The following AUTS2 variants were observed in gnomAD, a reference collection of about 807,000 sequenced individuals.
The protein encoded by AUTS2 is activator of transcription and developmental regulator AUTS2, also known as autism susceptibility gene 2 protein.
In AUTS2, 17 loss-of-function variants were observed where a neutral mutation model predicts 112.4. The ratio of observed to expected loss-of-function variants is 0.15; its 90% CI spans 0.10 to 0.23. The LOEUF is 0.23. Ranked by LOEUF, AUTS2 falls within the 10% of genes least tolerant of loss-of-function variation. The pLI is 1.00. For synonymous variants in AUTS2, 751 were observed against 702.7 expected, an observed-to-expected ratio of 1.07 and a Z score of -1.09; for missense variants, 1,510 against 1,701.6, an observed-to-expected ratio of 0.89 and a Z score of 1.98.
At chr7:70,471,801 C>G (rs530076409) in intron 5 of AUTS2, among the ~76,000 whole-genome samples, 1 of 151,392 alleles carries the variant, frequency 6.6e-6, no homozygotes, top group Non-Finnish European at 1.5e-5. Context: ...GATGTGGATC[C>G]GGTGGGTGTA....
intron 1 of AUTS2, among the ~76,000 whole-genome samples, chr7:69,874,656 AT>A (rs575761682): frequency 4.7e-5 from 7 of 149,450 alleles, no homozygotes; most frequent in South Asian, 2.1e-4. Context: ...CATTGCATCT[AT>A]TTTTTTTTTC....
chr7:69,868,506 C>T, intron 1 of AUTS2, among the ~76,000 whole-genome samples: 1 of 152,180 alleles, frequency 6.6e-6, no homozygotes. Context: ...ACTAGCTTCC[C>T]TCTGTCACCC....
chr7:70,766,394 C>T lies in AUTS2; in HGVS notation c.1689+60C>T. 1.9e-6 allele frequency: 3 copies of T among 1,584,972 alleles called. No individual in the cohort carries two copies. Among genetic ancestry groups the T allele is most frequent in the African/African-American group, 1.3e-5 (1 of 74,742 alleles). On this transcript the variant is annotated intron_variant, in intron 9 of 18. Coordinates refer to ENST00000342771, the MANE Select transcript of AUTS2 (RefSeq NM_015570.4). The surrounding 1 kb of genome is among the most constrained non-coding windows in gnomAD (Gnocchi z 4.8). Reference sequence around the variant, plus strand: ...GAGCACGACTCTTTTCTTTATGCAGCACGTGGGACCGGGCTGGGCAGCGGG... The same window carrying T: ...GAGCACGACTCTTTTCTTTATGCAGTACGTGGGACCGGGCTGGGCAGCGGG...
intron 2 of AUTS2, among the ~76,000 whole-genome samples, chr7:69,912,812 A>C (rs948052192): frequency 3.9e-5 from 6 of 152,176 alleles, no homozygotes; most frequent in Non-Finnish European, 7.3e-5. Flanking sequence ...CTGCTCTCAG[A>C]GTCACAAAAT....
intron 4 of AUTS2, among the ~76,000 whole-genome samples, chr7:70,308,606 A>G (rs1276040830): frequency 6.6e-6 from 1 of 152,234 alleles, no homozygotes; most frequent in African/African-American, 2.4e-5. Context: ...AGTGAAGAGA[A>G]GAATTTAGCC....
At chr7:70,562,269 A>G (rs1000807326) in intron 5 of AUTS2, among the ~76,000 whole-genome samples, 26 of 152,240 alleles carry the variant, frequency 1.7e-4, no homozygotes. Context: ...ACTAGCAAAT[A>G]TAGATTAGAC....
chr7:70,739,348 T>G (rs1422818309), intron 6 of AUTS2, among the ~76,000 whole-genome samples: 1 of 149,760 alleles, frequency 6.7e-6, no homozygotes, highest in Non-Finnish European at 1.5e-5. Flanking sequence ...TTTTTCCTTT[T>G]TTTTTTTTTT....
intron 1 of AUTS2, among the ~76,000 whole-genome samples, chr7:69,610,375 C>T (rs1489385978): frequency 6.6e-6 from 1 of 152,208 alleles, no homozygotes; most frequent in Admixed American, 6.5e-5. Context: ...GATATGTTGA[C>T]AAAATTGGTG....
intron 6 of AUTS2, among the ~76,000 whole-genome samples, chr7:70,729,932 G>C (rs1787274015): frequency 6.6e-6 from 1 of 152,128 alleles, no homozygotes; most frequent in Non-Finnish European, 1.5e-5. Flanking sequence ...ACCCAGGCTG[G>C]AGTGCAATGG....
Position 70,790,115 on chromosome 7 carries a change from G to A in AUTS2, c.2899G>A (p.Gly967Ser), listed in dbSNP as rs1481727765. The change falls in exon 19 of 19, where the codon GGT becomes AGT. Residue 967 changes from glycine to serine, a missense_variant. Transcript: ENST00000342771. This position sits in a 1 kb window ranked among gnomAD's most constrained non-coding sequence, Gnocchi z 7.6. ...GAGCCGGGAGGCCGAGCCGCGCAAG[G>A]GTGAGCCGGCCTACGAGAACCCCAA... ...TSSREAEPRK[G>S]EPAYENPKKS... is the part of the protein sequence containing the mutation. The A allele has an allele frequency of 3.1e-6, 5 of 1,598,806 alleles. No homozygotes were observed. Among genetic ancestry groups the A allele is most frequent in the East Asian group, 2.3e-5 (1 of 44,052 alleles).
intron 5 of AUTS2, among the ~76,000 whole-genome samples, chr7:70,642,625 T>C (rs1805900780): frequency 6.6e-6 from 1 of 152,196 alleles, no homozygotes; most frequent in African/African-American, 2.4e-5. Flanking sequence ...TACTTCCCTG[T>C]GTCCATACTG....
At chr7:70,044,704 A>G (rs930627481) in intron 2 of AUTS2, among the ~76,000 whole-genome samples, 1 of 152,216 alleles carries the variant, frequency 6.6e-6, no homozygotes. Flanking sequence ...AGCCTCCGCC[A>G]CCATCACAGA....
intron 5 of AUTS2, among the ~76,000 whole-genome samples, chr7:70,685,899 T>TC (rs1355276956): frequency 6.6e-6 from 1 of 152,066 alleles, no homozygotes; most frequent in African/African-American, 2.4e-5. Flanking sequence ...TTGCAGAGAC[T>TC]CCCTTCCCAC....
At chr7:69,889,718 A>T (rs1794436004) in intron 1 of AUTS2, among the ~76,000 whole-genome samples, 1 of 152,134 alleles carries the variant, frequency 6.6e-6, no homozygotes, top group African/African-American at 2.4e-5. Context: ...CATCCTCTCA[A>T]ATGTGTGCGT....
At chr7:70,043,378 A>T (rs1007975660) in intron 2 of AUTS2, among the ~76,000 whole-genome samples, 1 of 152,042 alleles carries the variant, frequency 6.6e-6, no homozygotes, top group Non-Finnish European at 1.5e-5. Flanking sequence ...ATTATGACAC[A>T]GATTTCATAA....
chr7:70,182,095 C>T lies in AUTS2; in HGVS notation c.660+47524C>T, dbSNP rs1200838930. On this transcript the variant is annotated intron_variant, in intron 4 of 18. Transcript: ENST00000342771. Reference sequence around the variant, plus strand: ...GGGATTACAGGCGTGAGCCACCACGCCCAGCTGAGCTAACTTTTTAAACAT... The same window carrying T: ...GGGATTACAGGCGTGAGCCACCACGTCCAGCTGAGCTAACTTTTTAAACAT... 3.9e-5 allele frequency among the ~76,000 whole-genome samples: 6 copies of T among 152,230 alleles called. No homozygotes were observed. The East Asian group carries it at 1.2e-3, about 29-fold the overall frequency.
intron 5 of AUTS2, among the ~76,000 whole-genome samples, chr7:70,618,466 T>C (rs1804495524): frequency 6.6e-6 from 1 of 152,160 alleles, no homozygotes; most frequent in Admixed American, 6.5e-5. Flanking sequence ...CTGACCCTCA[T>C]TAACCAAGAG....
At chr7:70,738,419 T>TTC (rs1787897436) in intron 6 of AUTS2, among the ~76,000 whole-genome samples, 2 of 20,384 alleles carry the variant, frequency 9.8e-5, no homozygotes, top group African/African-American at 1.1e-3. Context: ...AAGTTTTTTG[T>TTC]TTTTTTTTTT....
At chr7:70,362,878 A>C (rs1298242898) in intron 4 of AUTS2, among the ~76,000 whole-genome samples, 2 of 152,234 alleles carry the variant, frequency 1.3e-5, no homozygotes, top group Non-Finnish European at 2.9e-5. Flanking sequence ...AGTGGTGAAC[A>C]TGGAGGTGTC....
Sources: allele counts gnomAD v4.1 joint callset (sites outside exome capture counted in the v4.1 genomes callset), GRCh38; gene constraint gnomAD v4.1.1; non-coding constraint Gnocchi (gnomAD v3.1); transcripts MANE v1.5; gene names NCBI Gene and HGNC (gene_info 2026-07-23, HGNC 2026-07-21).